PFKP: variants seen among roughly 807,000 people sequenced by gnomAD.
PFKP encodes phosphofructokinase, platelet.
A neutral mutation model predicts 94.3 loss-of-function variants in PFKP; 101 were observed. The observed-to-expected ratio is 1.07, with a 90% CI of 0.91 to 1.26. The LOEUF (loss-of-function observed/expected upper bound fraction) is 1.26. Among genes scored for constraint, PFKP ranks in the 50% most tolerant of loss-of-function variants. The pLI is 0.00. For synonymous variants in PFKP, 573 were observed against 432.6 expected, an observed-to-expected ratio of 1.32 and a Z score of -4.03; for missense variants, 1,145 against 1,103.3, an observed-to-expected ratio of 1.04 and a Z score of -0.53.
At chr10:3,099,128 C>T in intron 2 of PFKP, 147 bp from the exon 3 acceptor site, 1 of 656,552 alleles carries the variant, frequency 1.5e-6, no homozygotes. Flanking sequence ...TGCTTTTATC[C>T]AGTGCTGGAA....
At chr10:3,116,461 A>G (rs190238044) in intron 13 of PFKP, among the ~76,000 whole-genome samples, 1 of 152,248 alleles carries the variant, frequency 6.6e-6, no homozygotes, top group Non-Finnish European at 1.5e-5. Context: ...AGAAACCATC[A>G]TGTTACTTTT....
Position 3,134,601 on chromosome 10 carries a change from GAGGCCACAGCCTCGTGATGC to G in PFKP, c.2122+25_2122+44del, listed in dbSNP as rs746245885. 6.6e-7 allele frequency: 1 copy of G among 1,519,442 alleles called. No individual in the cohort carries two copies. The highest frequency in any genetic ancestry group is 1.1e-5 in the South Asian group (1 of 89,224). 94.1% of individuals were successfully genotyped at this position (1,519,442 alleles called of 1,614,324 possible). ...GGCAGAGGTAAGGGGTCTGGGGAGG[GAGGCCACAGCCTCGTGATGC>G]AGGCCGTCCTGCCTTGGTGAAAATG... On this transcript the variant is annotated intron_variant, in intron 20 of 21. Coordinates refer to ENST00000381125, the MANE Select transcript of PFKP (RefSeq NM_002627.5).
intron 7 of PFKP, among the ~76,000 whole-genome samples, chr10:3,106,444 T>C (rs986338772): frequency 1.3e-5 from 2 of 150,896 alleles, no homozygotes; most frequent in Non-Finnish European, 3.0e-5. Context: ...TCCACCTGTG[T>C]GTCCTTCCCC....
At chr10:3,107,728 A>T in intron 8 of PFKP, 1 of 949,644 alleles carries the variant, frequency 1.1e-6, no homozygotes, top group Non-Finnish European at 1.2e-6. Flanking sequence ...CATAACCCAG[A>T]GCATCAGCTG....
At chr10:3,121,943 T>A (rs1317816638) in intron 16 of PFKP, among the ~76,000 whole-genome samples, 1 of 150,426 alleles carries the variant, frequency 6.6e-6, no homozygotes, top group Non-Finnish European at 1.5e-5. Context: ...CACCTCAGCC[T>A]CCTGAGTAGC....
intron 17 of PFKP, 64 bp from the exon 18 acceptor site, chr10:3,132,316 G>A: frequency 3.3e-6 from 4 of 1,218,990 alleles, no homozygotes; most frequent in Non-Finnish European, 3.6e-6. Flanking sequence ...AGCCTGCAGT[G>A]CCTGGCACAC....
At chr10:3,114,788 G>A (rs1045096688) in intron 13 of PFKP, among the ~76,000 whole-genome samples, 4 of 152,268 alleles carry the variant, frequency 2.6e-5, no homozygotes, top group African/African-American at 9.6e-5. Flanking sequence ...GATGGGAACT[G>A]CAGGGGCAGG....
chr10:3,105,743 A>C (rs1442253069), intron 7 of PFKP, among the ~76,000 whole-genome samples: 3 of 152,264 alleles, frequency 2.0e-5, no homozygotes, highest in Non-Finnish European at 4.4e-5. Context: ...GCCTGGTTAG[A>C]ATGCCCCATG....
intron 2 of PFKP, among the ~76,000 whole-genome samples, chr10:3,083,524 G>A (rs185387384): frequency 1.4e-4 from 22 of 152,090 alleles, no homozygotes; most frequent in African/African-American, 4.6e-4. Context: ...GTAAAACACC[G>A]GAAAGAAACA....
chr10:3,116,845 C>A lies in PFKP; in HGVS notation c.1441C>A (p.Arg481Ser). 6.2e-7 allele frequency: 1 copy of A among 1,602,428 alleles called. No homozygotes were observed. The highest frequency in any genetic ancestry group is 8.6e-7 in the Non-Finnish European group (1 of 1,169,418). The change falls in exon 14 of 22, where the codon CGC (arginine) becomes AGC (serine). Residue 481 changes from arginine to serine, a missense_variant and splice_region_variant. By Grantham distance (110) the Arg-to-Ser change is moderately radical. Transcript: ENST00000381125. The stretch of plus-strand genomic sequence containing the variant: ...AGGAGGCTCCATTCTTGGGACAAAA[C>A]GGTAACTTCCAAATCTCAACTCTAT... ...GQGGSILGTKRVLPGKYLEEI... is the reference protein window; with the variant it reads ...GQGGSILGTKSVLPGKYLEEI...
intron 3 of PFKP, among the ~76,000 whole-genome samples, chr10:3,099,667 A>G (rs1023614786): frequency 6.6e-6 from 1 of 152,210 alleles, no homozygotes; most frequent in African/African-American, 2.4e-5. Flanking sequence ...ACACATCAGA[A>G]GAGAGGTGGA....
At position 3,119,942 on chromosome 10, in the gene PFKP, G is replaced by A. The variant is rs1247444221; in HGVS notation, c.1581G>A (p.Glu527=). ...ELSAAREKHE[E]FCVPMVMVPA... ...CAGCCGCCCGGGAGAAGCACGAGGA[G>A]TTCTGTGTCCCCATGGTCATGGTTC... Residue 527 remains glutamate, a synonymous_variant, in exon 16 of 22, where the codon GAG becomes GAA. Transcript: ENST00000381125. 6.2e-7 allele frequency: 1 copy of A among 1,614,186 alleles called. No homozygotes were observed. Among genetic ancestry groups the A allele is most frequent in the Non-Finnish European group, 8.5e-7 (1 of 1,180,022 alleles).
At chr10:3,107,121 A>G (rs1480603279) in intron 7 of PFKP, 93 bp from the exon 8 acceptor site, 10 of 765,780 alleles carry the variant, frequency 1.3e-5, no homozygotes, top group Non-Finnish European at 2.3e-5. Context: ...GAAAGAGGCC[A>G]GTTCAGTTTG....
At chr10:3,077,314 T>C (rs1436857008) in intron 1 of PFKP, among the ~76,000 whole-genome samples, 42 of 132,222 alleles carry the variant, frequency 3.2e-4, no homozygotes, top group African/African-American at 1.2e-3. Flanking sequence ...CAGGCTGGAG[T>C]GTAGTGGCGC....
intron 2 of PFKP, among the ~76,000 whole-genome samples, chr10:3,095,814 C>A (rs975494940): frequency 2.6e-5 from 4 of 152,162 alleles, no homozygotes; most frequent in Admixed American, 6.5e-5. Flanking sequence ...CTTAGAACTG[C>A]GGCTGGTAGT....
At chr10:3,114,362 C>T (rs1402752047) in intron 13 of PFKP, among the ~76,000 whole-genome samples, 1 of 152,160 alleles carries the variant, frequency 6.6e-6, no homozygotes, top group African/African-American at 2.4e-5. Context: ...GTTGGCCAGG[C>T]TGGTCTTGAC....
chr10:3,094,925 C>T (rs1326789002), intron 2 of PFKP, among the ~76,000 whole-genome samples: 1 of 152,232 alleles, frequency 6.6e-6, no homozygotes, highest in Non-Finnish European at 1.5e-5. Context: ...AAAGCCCCTA[C>T]ATCTCTGGAT....
chr10:3,071,425 CTG>C (rs1832171896), intron 1 of PFKP, among the ~76,000 whole-genome samples: 1 of 99,814 alleles, frequency 1.0e-5, no homozygotes, highest in Non-Finnish European at 1.9e-5. Context: ...CTGTCTCAGG[CTG>C]TTTTTTTTTT....
chr10:3,078,612 GA>G (rs1832785415), intron 1 of PFKP, among the ~76,000 whole-genome samples: 1 of 152,242 alleles, frequency 6.6e-6, no homozygotes, highest in South Asian at 2.1e-4. Context: ...AGGAAGGCTT[GA>G]AAGTTAAAAT....
Sources: allele counts gnomAD v4.1 joint callset (sites outside exome capture counted in the v4.1 genomes callset), GRCh38; gene constraint gnomAD v4.1.1; transcripts MANE v1.5; gene names NCBI Gene and HGNC (gene_info 2026-07-23, HGNC 2026-07-21).